Variants in SMARCA4 observed in about 807,000 individuals in gnomAD.
SMARCA4 encodes the protein SWI/SNF-related matrix-associated actin-dependent regulator of chromatin subfamily A member 4.
Under a neutral mutation model 193.9 loss-of-function variants are expected in SMARCA4, and 31 were observed. That is an observed-to-expected ratio of 0.16 (90% CI 0.12 to 0.22). The LOEUF (loss-of-function observed/expected upper bound fraction) is 0.22, where lower values mean the gene tolerates loss of function less well. Among genes scored for constraint, SMARCA4 ranks in the 10% least tolerant of loss-of-function variants. The pLI, the probability that SMARCA4 is intolerant of heterozygous loss-of-function variation, is 1.00. For missense variants in SMARCA4, 1,148 were observed against 2,296.0 expected (o/e 0.50, Z 10.22); for synonymous variants, 942 against 933.1 (o/e 1.01, Z -0.17).
At chr19:10,990,800 C>A (rs2086488498) in intron 7 of SMARCA4, among the ~76,000 whole-genome samples, 1 of 152,214 alleles carries the variant, frequency 6.6e-6, no homozygotes, top group African/African-American at 2.4e-5. Flanking sequence ...CTTGAGCAAT[C>A]CTCCCACCTT....
chr19:10,980,759 C>G (rs2085497225), intron 1 of SMARCA4: 1 of 152,110 alleles, frequency 6.6e-6, no homozygotes, highest in African/African-American at 2.4e-5. Flanking sequence ...ATCTTTTTCT[C>G]TTTTTCCTCT....
At chr19:11,002,104 G>A (rs1021035217) in intron 11 of SMARCA4, among the ~76,000 whole-genome samples, 4 of 152,194 alleles carry the variant, frequency 2.6e-5, no homozygotes, top group African/African-American at 9.7e-5. Flanking sequence ...CCATGGAATT[G>A]ATCTGGAAGG....
rs541930013 is a variant in SMARCA4 at position 11,034,967 on chromosome 19, G to A, written c.4005G>A (p.Pro1335=). The A allele has an allele frequency of 2.0e-5, 32 of 1,601,514 alleles. No individual in the cohort carries two copies. Among genetic ancestry groups the A allele is most frequent in the East Asian group, 6.8e-5 (3 of 44,368 alleles). The change falls in exon 29 of 35, where the codon CCG becomes CCA. Residue 1335 remains proline (P), a synonymous_variant. Coordinates refer to ENST00000344626, the MANE Select transcript of SMARCA4 (RefSeq NM_003072.5). The surrounding 1 kb of genome is among the most constrained non-coding windows in gnomAD (Gnocchi z 7.0). ...AGGCCCGCAACCCCAAGCGGAAGCCGCGCCTCATGGAGGAGGACGAGCTCC... is the reference window on the plus strand; with the variant it reads ...AGGCCCGCAACCCCAAGCGGAAGCCACGCCTCATGGAGGAGGACGAGCTCC... ...REEARNPKRK[P]RLMEEDELPS... is the part of the protein sequence containing the mutation.
chr19:11,007,857 T>C (rs2088384538), intron 13 of SMARCA4, 45 bp from the exon 14 acceptor site: 1 of 1,608,572 alleles, frequency 6.2e-7, no homozygotes, highest in Non-Finnish European at 8.5e-7. Context: ...CCGTCCCCCC[T>C]CTCTGGGGGA....
At chr19:11,044,089 C>G (rs2075767397) in intron 30 of SMARCA4, among the ~76,000 whole-genome samples, 1 of 152,106 alleles carries the variant, frequency 6.6e-6, no homozygotes, top group Admixed American at 6.6e-5. Context: ...TTAACATTAC[C>G]AACCTAAAGA....
chr19:11,010,614 G>GT, intron 15 of SMARCA4, 83 bp downstream of exon 15: 1 of 1,340,264 alleles, frequency 7.5e-7, no homozygotes, highest in Non-Finnish European at 1.1e-6. Flanking sequence ...CAGACCTCAG[G>GT]CAGACCTGAG....
At position 10,987,562 on chromosome 19, in the gene SMARCA4, T is replaced by C; in HGVS notation, c.860-104T>C. 7.5e-7 allele frequency: 1 copy of C among 1,334,116 alleles called. No homozygotes were observed. Among genetic ancestry groups the C allele is most frequent in the African/African-American group, 1.4e-5 (1 of 69,506 alleles). 82.6% of individuals were successfully genotyped at this position (1,334,116 alleles called of 1,614,324 possible). On this transcript the variant is annotated intron_variant, in intron 5 of 34. Transcript: ENST00000344626. The surrounding 1 kb of genome is among the most constrained non-coding windows in gnomAD (Gnocchi z 5.3). The stretch of plus-strand genomic sequence containing the variant: ...GGTGAAAGGTGGGAGATGGGCGGGG[T>C]CTGCCTGTCCCCAGTGCCTCAAGCA...
chr19:10,966,961 G>A (rs1211189608), intron 1 of SMARCA4, among the ~76,000 whole-genome samples: 2 of 152,096 alleles, frequency 1.3e-5, no homozygotes, highest in African/African-American at 2.4e-5. Flanking sequence ...GGTATGAGAG[G>A]GAACAGGTCA....
chr19:11,047,129 C>T (rs2075977295), intron 30 of SMARCA4, among the ~76,000 whole-genome samples: 1 of 152,070 alleles, frequency 6.6e-6, no homozygotes, highest in Non-Finnish European at 1.5e-5. Flanking sequence ...ACAAGATCAC[C>T]CTCAAGTGCC....
At chr19:11,010,301 G>T (rs549219455) in intron 14 of SMARCA4, 80 bp from the exon 15 acceptor site, 2 of 1,506,930 alleles carry the variant, frequency 1.3e-6, no homozygotes, top group South Asian at 1.1e-5. Context: ...GGGCCACTCC[G>T]CAGAGCTTGT....
At chr19:10,980,413 C>A (rs911094156) in intron 1 of SMARCA4, among the ~76,000 whole-genome samples, 1 of 152,112 alleles carries the variant, frequency 6.6e-6, no homozygotes, top group Non-Finnish European at 1.5e-5. Flanking sequence ...GAGTTGGAGC[C>A]GTTCCTGGAG....
At position 11,034,856 on chromosome 19, in the gene SMARCA4, T is replaced by C. The variant is rs1479289897; in HGVS notation, c.3952-58T>C. 8.8e-7 allele frequency: 1 copy of C among 1,139,074 alleles called. No homozygotes were observed. Among genetic ancestry groups the C allele is most frequent in the African/African-American group, 1.5e-5 (1 of 65,396 alleles). 70.6% of individuals were successfully genotyped at this position (1,139,074 alleles called of 1,614,324 possible). On this transcript the variant is annotated intron_variant, in intron 28 of 34. Coordinates refer to ENST00000344626, the MANE Select transcript of SMARCA4 (RefSeq NM_003072.5). This position sits in a 1 kb window ranked among gnomAD's most constrained non-coding sequence, Gnocchi z 7.0. ...TTCTGAACTCTCGGTGTTCTGGCTC[T>C]AGCGTGCCCCTGGTGCCTGCATGCT...
At chr19:11,004,685 C>A (rs2088011247) in intron 13 of SMARCA4, among the ~76,000 whole-genome samples, 1 of 152,140 alleles carries the variant, frequency 6.6e-6, no homozygotes, top group South Asian at 2.1e-4. Flanking sequence ...ACAGTGACTG[C>A]TTTTTGACTG....
intron 16 of SMARCA4, among the ~76,000 whole-genome samples, chr19:11,017,787 G>A (rs1332702893): frequency 2.0e-5 from 3 of 152,370 alleles, no homozygotes; most frequent in East Asian, 3.9e-4. Context: ...GCTCCAAGAT[G>A]CCATCAGGGA....
chr19:11,053,615 A>G (rs1343953959), intron 30 of SMARCA4, among the ~76,000 whole-genome samples: 2 of 152,180 alleles, frequency 1.3e-5, no homozygotes, highest in Non-Finnish European at 2.9e-5. Context: ...GCAAGCCTCA[A>G]ATATTTACAC....
intron 18 of SMARCA4, 166 bp from the exon 19 acceptor site, chr19:11,021,559 A>G (rs1329280580): frequency 1.2e-6 from 1 of 835,824 alleles, no homozygotes; most frequent in South Asian, 1.4e-5. Flanking sequence ...TGTGGCTCCA[A>G]CTCGGTGAGT....
chr19:11,007,104 G>C (rs2088294471), intron 13 of SMARCA4, among the ~76,000 whole-genome samples: 1 of 151,764 alleles, frequency 6.6e-6, no homozygotes, highest in Non-Finnish European at 1.5e-5. Context: ...ACAAAAAAAA[G>C]GAAGTGTCAG....
At chr19:10,983,420 C>T (rs931980420) in intron 1 of SMARCA4, 7 of 148,396 alleles carry the variant, frequency 4.7e-5, no homozygotes, top group Non-Finnish European at 1.0e-4. Context: ...GATGGAATTT[C>T]GGTTAGAGGC....
intron 1 of SMARCA4, among the ~76,000 whole-genome samples, chr19:10,979,134 C>T (rs904847904): frequency 6.6e-6 from 1 of 152,048 alleles, no homozygotes; most frequent in Non-Finnish European, 1.5e-5. Context: ...ATGAAGAGCA[C>T]CTGGAATGCT....
Sources: gnomAD v4.1 joint callset for allele counts (sites outside exome capture counted in the v4.1 genomes callset) on GRCh38, gnomAD v4.1.1 for gene constraint, Gnocchi (gnomAD v3.1) non-coding constraint, MANE v1.5 for transcripts, NCBI Gene and HGNC (gene_info 2026-07-23, HGNC 2026-07-21) for gene names.